ELAPOR1: variants seen among roughly 807,000 people sequenced by gnomAD.
ELAPOR1 encodes the protein endosome/lysosome-associated apoptosis and autophagy regulator 1.
In ELAPOR1, 77 loss-of-function variants were observed where a neutral mutation model predicts 119.7. That is an observed-to-expected ratio of 0.64 (90% CI 0.54 to 0.78). The LOEUF is 0.78. Among genes scored for constraint, ELAPOR1 ranks in the 30% least tolerant of loss-of-function variants. The pLI is 0.00. For missense variants in ELAPOR1, 1,115 were observed against 1,270.4 expected (o/e 0.88, Z 1.86); for synonymous variants, 481 against 487.2 (o/e 0.99, Z 0.17).
chr1:109,202,213 A>G (rs1276996626), intron 21 of ELAPOR1, among the ~76,000 whole-genome samples: 3 of 148,570 alleles, frequency 2.0e-5, no homozygotes, highest in South Asian at 2.1e-4. Context: ...CCCAGGTTCA[A>G]GTGGTTCTCC....
chr1:109,152,807 A>C (rs549208059), intron 1 of ELAPOR1, among the ~76,000 whole-genome samples: 3 of 151,664 alleles, frequency 2.0e-5, no homozygotes, highest in Non-Finnish European at 2.9e-5. Flanking sequence ...TTAGCCAGGC[A>C]TGGTGGTGCA....
At chr1:109,202,604 C>A (rs1017050667) in intron 21 of ELAPOR1, among the ~76,000 whole-genome samples, 1 of 149,920 alleles carries the variant, frequency 6.7e-6, no homozygotes, top group African/African-American at 2.5e-5. Context: ...CCATGCCTGG[C>A]TAATTTTTGT....
intron 1 of ELAPOR1, among the ~76,000 whole-genome samples, chr1:109,131,817 G>C (rs1035566548): frequency 6.6e-6 from 1 of 152,178 alleles, no homozygotes; most frequent in Non-Finnish European, 1.5e-5. Context: ...GTATAGAGTA[G>C]TTCCTGGGCA....
chr1:109,150,727 T>C (rs1650483860), intron 1 of ELAPOR1, among the ~76,000 whole-genome samples: 1 of 152,182 alleles, frequency 6.6e-6, no homozygotes, highest in Non-Finnish European at 1.5e-5. Flanking sequence ...TATTGCTCCA[T>C]TAATGGGGGA....
Position 109,198,067 on chromosome 1 carries a change from CTTTTA to C in ELAPOR1, c.2393_2397del (p.Phe798Ter). On this transcript the variant is annotated frameshift_variant, in exon 17 of 22. Coordinates refer to ENST00000369939, the MANE Select transcript of ELAPOR1 (RefSeq NM_020775.5). LOFTEE classifies it high-confidence loss of function. Reference sequence around the variant, plus strand: ...CCTTGGGAATACCGGACGTGATCTTCTTTTATAGGTGAAGATGAGAGGCTAGGCTA... The same window carrying C: ...CCTTGGGAATACCGGACGTGATCTTCTAGGTGAAGATGAGAGGCTAGGCTA... 1 of 1,612,896 alleles carries C rather than the reference CTTTTA, an allele frequency of 6.2e-7. No homozygotes were observed. The highest frequency in any genetic ancestry group is 1.7e-4 in the Middle Eastern group (1 of 6,054).
intron 1 of ELAPOR1, among the ~76,000 whole-genome samples, chr1:109,154,345 C>T (rs867387200): frequency 6.7e-6 from 1 of 149,694 alleles, no homozygotes; most frequent in East Asian, 2.0e-4. Context: ...ATTTCCATAT[C>T]AGTACCCGTA....
At chr1:109,154,761 T>C (rs755325774) in intron 1 of ELAPOR1, among the ~76,000 whole-genome samples, 1 of 152,250 alleles carries the variant, frequency 6.6e-6, no homozygotes, top group Non-Finnish European at 1.5e-5. Context: ...CGTGTCTTCT[T>C]AGCTCTGCTG....
At chr1:109,181,273 A>G (rs1652679145) in intron 7 of ELAPOR1, among the ~76,000 whole-genome samples, 1 of 152,212 alleles carries the variant, frequency 6.6e-6, no homozygotes. Flanking sequence ...TATTGAAAGG[A>G]GGAGGCAGGT....
chr1:109,177,615 G>T (rs559993874), intron 7 of ELAPOR1, among the ~76,000 whole-genome samples: 1 of 151,672 alleles, frequency 6.6e-6, no homozygotes, highest in South Asian at 2.1e-4. Context: ...GTTGTAGCGA[G>T]CCGAGATCAC....
At chr1:109,136,128 T>C (rs1391318533) in intron 1 of ELAPOR1, among the ~76,000 whole-genome samples, 1 of 152,206 alleles carries the variant, frequency 6.6e-6, no homozygotes, top group African/African-American at 2.4e-5. Flanking sequence ...ATTGTGTCCT[T>C]CAAAAGTTCA....
In ELAPOR1 at chr1:109,161,974, G is replaced by A. The variant is rs1293752812; in HGVS notation, c.234G>A (p.Leu78=). Residue 78 remains leucine, a synonymous_variant, in exon 2 of 22, where the codon CTG becomes CTA. Transcript: ENST00000369939. ...TCGCCGTGCCGCATACCCCGGGCCT[G>A]TGCACCAGCCTGCCTGACCCCATCA... The part of the protein sequence containing the change: ...WRVAVPHTPG[L]CTSLPDPIKG... The A allele has an allele frequency of 6.2e-7, 1 of 1,613,842 alleles. No homozygotes were observed. The highest frequency in any genetic ancestry group is 8.5e-7 in the Non-Finnish European group (1 of 1,179,758).
chr1:109,157,671 G>A (rs1002349904), intron 1 of ELAPOR1, among the ~76,000 whole-genome samples: 2 of 152,144 alleles, frequency 1.3e-5, no homozygotes, highest in Non-Finnish European at 2.9e-5. Context: ...AGCACCATGT[G>A]GGAAGGGGCG....
chr1:109,171,852 C>T lies in ELAPOR1; in HGVS notation c.468-14C>T, dbSNP rs562482101. 2 of 1,613,994 alleles carry T rather than the reference C, an allele frequency of 1.2e-6. No homozygotes were observed. Among genetic ancestry groups the T allele is most frequent in the South Asian group, 2.2e-5 (2 of 91,080 alleles). On this transcript the variant is annotated splice_polypyrimidine_tract_variant and intron_variant, in intron 3 of 21. Transcript: ENST00000369939. The stretch of plus-strand genomic sequence containing the variant: ...GTGCTCCTGCCTGTGAACCTGGTTC[C>T]TGTTCCTTCACAGGTCCAAGTGGGT...
At position 109,200,880 on chromosome 1, in the gene ELAPOR1, A is replaced by T. The variant is rs1654127918; in HGVS notation, c.2953A>T (p.Ile985Phe). 6.2e-7 allele frequency: 1 copy of T among 1,613,978 alleles called. No individual in the cohort carries two copies. Among genetic ancestry groups the T allele is most frequent in the African/African-American group, 1.3e-5 (1 of 74,914 alleles). Residue 985 changes from isoleucine to phenylalanine, a missense_variant, in exon 21 of 22, where the codon ATC (isoleucine) becomes TTC (phenylalanine). By Grantham distance (21) the Ile-to-Phe change is conservative (BLOSUM62 0). Transcript: ENST00000369939. ...FTSKKSLFGK[I>F]KSFTSKRTPD... is the part of the protein sequence containing the mutation. ...CAGCAAGAAGTCACTCTTTGGGAAG[A>T]TCAAATCATTTACCTCCAAGGTAGG...
intron 1 of ELAPOR1, among the ~76,000 whole-genome samples, chr1:109,147,344 A>T (rs1650238740): frequency 6.6e-6 from 1 of 152,188 alleles, no homozygotes; most frequent in Non-Finnish European, 1.5e-5. Flanking sequence ...AGCTGATCTG[A>T]AAAGGCTACA....
chr1:109,160,471 C>T (rs1023338553), intron 1 of ELAPOR1, among the ~76,000 whole-genome samples: 3 of 152,076 alleles, frequency 2.0e-5, no homozygotes, highest in East Asian at 3.9e-4. Flanking sequence ...TTTTAAGACA[C>T]GTCTTGATTT....
chr1:109,173,331 A>C, intron 5 of ELAPOR1, 143 bp from the exon 6 acceptor site: 2 of 692,978 alleles, frequency 2.9e-6, no homozygotes, highest in Non-Finnish European at 5.0e-6. Flanking sequence ...GAAGAAGGAC[A>C]GAGCTGAGGA....
intron 1 of ELAPOR1, among the ~76,000 whole-genome samples, chr1:109,145,295 G>C (rs774151238): frequency 2.0e-5 from 3 of 152,122 alleles, no homozygotes; most frequent in Non-Finnish European, 4.4e-5. Context: ...ATACATTTCT[G>C]TTCTTTAAAA....
At chr1:109,160,227 A>C (rs1262774105) in intron 1 of ELAPOR1, among the ~76,000 whole-genome samples, 2 of 151,902 alleles carry the variant, frequency 1.3e-5, no homozygotes. Flanking sequence ...GGATCACTTG[A>C]GCCCAGGAAG....
Sources: allele counts gnomAD v4.1 joint callset (sites outside exome capture counted in the v4.1 genomes callset), GRCh38; gene constraint gnomAD v4.1.1; transcripts MANE v1.5; gene names NCBI Gene and HGNC (gene_info 2026-07-23, HGNC 2026-07-21).